Variants in TPH2 observed in about 807,000 individuals in gnomAD.
The protein encoded by TPH2 is tryptophan 5-hydroxylase 2.
In TPH2, 27 loss-of-function variants were observed where a neutral mutation model predicts 59.1. That is an observed-to-expected ratio of 0.46 (90% CI 0.34 to 0.63). The LOEUF is 0.63. Among genes scored for constraint, TPH2 ranks in the 30% least tolerant of loss-of-function variants. The probability of loss-of-function intolerance (pLI) is 0.01; values close to 1 mark genes in which losing one functional copy is unlikely to be tolerated. For synonymous variants in TPH2, 220 were observed against 210.5 expected (o/e 1.05, Z -0.39); for missense variants, 523 against 588.3 (o/e 0.89, Z 1.15).
At chr12:71,944,200 A>G in intron 2 of TPH2, 94 bp from the exon 3 acceptor site, 4 of 1,282,506 alleles carry the variant, frequency 3.1e-6, no homozygotes, top group Non-Finnish European at 3.4e-6. Flanking sequence ...TTGTGTGGGT[A>G]CTTGGCACCT....
chr12:72,027,955 T>C (rs980806077), intron 9 of TPH2, among the ~76,000 whole-genome samples: 2 of 152,100 alleles, frequency 1.3e-5, no homozygotes, highest in African/African-American at 2.4e-5. Flanking sequence ...CAGCCCAACA[T>C]GGGGTAGTTT....
At chr12:71,967,308 A>G (rs995245653) in intron 5 of TPH2, among the ~76,000 whole-genome samples, 2 of 152,254 alleles carry the variant, frequency 1.3e-5, no homozygotes, top group African/African-American at 4.8e-5. Flanking sequence ...CCATACAGGC[A>G]GACAGATGCC....
At chr12:72,000,352 C>T (rs1872791246) in intron 8 of TPH2, among the ~76,000 whole-genome samples, 1 of 152,176 alleles carries the variant, frequency 6.6e-6, no homozygotes, top group Non-Finnish European at 1.5e-5. Flanking sequence ...TCTGTGGACC[C>T]TAATCAATAA....
chr12:71,939,020 T>C lies in TPH2; in HGVS notation c.34T>C (p.Tyr12His), dbSNP rs1353440145. The change falls in exon 1 of 11, where the codon TAC (tyrosine) becomes CAC (histidine). Residue 12 changes from tyrosine to histidine, a missense_variant. By Grantham distance (83) the Tyr-to-His change is moderately conservative. Transcript: ENST00000333850. Reference protein sequence around the residue: ...QPAMMMFSSKYWARRGFSLDS... With the variant: ...QPAMMMFSSKHWARRGFSLDS... ...AGCAATGATGATGTTTTCCAGTAAA[T>C]ACTGGGCACGGAGAGGGTTTTCCCT... is the stretch of plus-strand genomic sequence containing the variant. 24 of 1,613,984 alleles carry C rather than the reference T, an allele frequency of 1.5e-5. No homozygotes were observed. Among genetic ancestry groups the C allele is most frequent in the Non-Finnish European group, 1.9e-5 (23 of 1,180,016 alleles).
intron 6 of TPH2, 108 bp downstream of exon 6, chr12:71,972,823 T>TA (rs1872011586): frequency 2.4e-6 from 3 of 1,238,608 alleles, no homozygotes; most frequent in Admixed American, 3.9e-5. Context: ...AACAGTGATT[T>TA]AAAAAATTGT....
At chr12:71,955,677 CA>C (rs1396416523) in intron 5 of TPH2, among the ~76,000 whole-genome samples, 1 of 152,172 alleles carries the variant, frequency 6.6e-6, no homozygotes, top group Non-Finnish European at 1.5e-5. Context: ...AATATAGTAA[CA>C]AAACTTAGAA....
chr12:72,022,320 C>A, intron 8 of TPH2, 79 bp from the exon 9 acceptor site: 2 of 920,098 alleles, frequency 2.2e-6, no homozygotes, highest in East Asian at 2.4e-5. Flanking sequence ...CACAGCCCAC[C>A]ATTTTGTTTT....
At chr12:71,964,515 A>AT (rs1379365996) in intron 5 of TPH2, 1 of 983,906 alleles carries the variant, frequency 1.0e-6, no homozygotes, top group African/African-American at 1.8e-5. Flanking sequence ...TTCTGGCAAT[A>AT]TTTTTCCAGT....
chr12:71,960,885 C>T (rs1002995568), intron 5 of TPH2, among the ~76,000 whole-genome samples: 26 of 152,120 alleles, frequency 1.7e-4, no homozygotes, highest in Non-Finnish European at 2.4e-4. Context: ...TTTGTCATCT[C>T]CAGACCTGTT....
chr12:71,941,705 G>C lies in TPH2; in HGVS notation c.227G>C (p.Gly76Ala). ...VVFSLKNEVG[G>A]LVKALRLFQE... The stretch of plus-strand genomic sequence containing the variant: ...TTCTCCTTGAAGAATGAAGTTGGTG[G>C]ATTGGTAAAAGCACTGAGGCTCTTT... The change falls in exon 2 of 11, where the codon GGA (glycine) becomes GCA (alanine). Residue 76 changes from glycine to alanine, a missense_variant. Coordinates refer to ENST00000333850, the MANE Select transcript of TPH2 (RefSeq NM_173353.4). 4 of 1,614,090 alleles carry C rather than the reference G, an allele frequency of 2.5e-6. No homozygotes were observed. The highest frequency in any genetic ancestry group is 3.4e-6 in the Non-Finnish European group (4 of 1,179,962).
intron 9 of TPH2, 124 bp from the exon 10 acceptor site, chr12:72,031,134 C>T: frequency 1.6e-6 from 2 of 1,281,984 alleles, no homozygotes; most frequent in Non-Finnish European, 2.3e-6. Context: ...TATTTCATGA[C>T]AGACTAGTAA....
intron 7 of TPH2, among the ~76,000 whole-genome samples, chr12:71,981,222 A>C (rs1872268107): frequency 6.6e-6 from 1 of 152,226 alleles, no homozygotes; most frequent in African/African-American, 2.4e-5. Context: ...AGAGGCATAC[A>C]TGTGCAAGGC....
At chr12:71,941,546 C>G in intron 1 of TPH2, 38 bp from the exon 2 acceptor site, 2 of 1,603,690 alleles carry the variant, frequency 1.2e-6, no homozygotes, top group Non-Finnish European at 1.7e-6. Flanking sequence ...GGAACCCTAA[C>G]TAATATTTTG....
In TPH2 at chr12:71,944,410, G is replaced by C; in HGVS notation, c.372G>C (p.Gln124His). 6.2e-7 allele frequency: 1 copy of C among 1,613,978 alleles called. No individual in the cohort carries two copies. Among genetic ancestry groups the C allele is most frequent in the South Asian group, 1.1e-5 (1 of 91,080 alleles). Residue 124 changes from glutamine to histidine, a missense_variant, in exon 3 of 11, where the codon CAG (glutamine) becomes CAC (histidine). Physicochemically the swap from Gln to His is conservative, Grantham distance 24. Coordinates refer to ENST00000333850, the MANE Select transcript of TPH2 (RefSeq NM_173353.4). ...AAACAGAATTCAATGAGCTCATTCA[G>C]TTGCTGAAATTTCAAACCACTATTG... ...CGKTEFNELIQLLKFQTTIVT... is the reference protein window; with the variant it reads ...CGKTEFNELIHLLKFQTTIVT...
intron 8 of TPH2, among the ~76,000 whole-genome samples, chr12:72,020,977 T>A (rs1291328078): frequency 6.6e-6 from 1 of 152,146 alleles, no homozygotes; most frequent in African/African-American, 2.4e-5. Context: ...CCAAGGGACA[T>A]CTTAGCCTCC....
chr12:71,960,424 A>T (rs1299324356), intron 5 of TPH2, among the ~76,000 whole-genome samples: 1 of 152,236 alleles, frequency 6.6e-6, no homozygotes, highest in Non-Finnish European at 1.5e-5. Context: ...TGTATTTGAA[A>T]TGCACAGTTC....
At chr12:71,983,111 GA>G (rs1872331031) in intron 7 of TPH2, among the ~76,000 whole-genome samples, 1 of 152,030 alleles carries the variant, frequency 6.6e-6, no homozygotes, top group Non-Finnish European at 1.5e-5. Flanking sequence ...TTTCCTGGGG[GA>G]AAGTTTTCTG....
At chr12:71,994,406 T>C in intron 7 of TPH2, 33 bp from the exon 8 acceptor site, 1 of 1,612,984 alleles carries the variant, frequency 6.2e-7, no homozygotes, top group Non-Finnish European at 8.5e-7. Context: ...AAGCTTCTTA[T>C]TTAACACGTC....
chr12:71,948,960 A>G (rs1871273743), intron 4 of TPH2, among the ~76,000 whole-genome samples: 1 of 152,232 alleles, frequency 6.6e-6, no homozygotes, highest in Non-Finnish European at 1.5e-5. Context: ...ATGGATAAAA[A>G]TCTTGAAGTT....
Sources: allele counts gnomAD v4.1 joint callset (sites outside exome capture counted in the v4.1 genomes callset), GRCh38; gene constraint gnomAD v4.1.1; transcripts MANE v1.5; gene names NCBI Gene and HGNC (gene_info 2026-07-23, HGNC 2026-07-21).